RAB3GAP1: variants seen among roughly 807,000 people sequenced by gnomAD.
RAB3GAP1 encodes rab3 GTPase-activating protein catalytic subunit.
Under a neutral mutation model 130.7 loss-of-function variants are expected in RAB3GAP1, and 86 were observed. That is an observed-to-expected ratio of 0.66 (90% CI 0.55 to 0.79). The LOEUF is 0.79. RAB3GAP1 is among the 30% of genes least tolerant of loss of function. The pLI is 0.00. For missense variants in RAB3GAP1, 1,029 were observed against 1,169.4 expected (o/e 0.88, Z 1.75); for synonymous variants, 367 against 401.7 (o/e 0.91, Z 1.03).
intron 17 of RAB3GAP1, among the ~76,000 whole-genome samples, chr2:135,140,160 G>T (rs1270447665): frequency 6.6e-6 from 1 of 152,044 alleles, no homozygotes; most frequent in Non-Finnish European, 1.5e-5. Flanking sequence ...TGGGTATTTG[G>T]GTTGTTTTCA....
At chr2:135,060,064 A>G (rs1019648300) in intron 3 of RAB3GAP1, among the ~76,000 whole-genome samples, 1 of 152,164 alleles carries the variant, frequency 6.6e-6, no homozygotes, top group Non-Finnish European at 1.5e-5. Context: ...GAAAATTTCA[A>G]ACATATATGA....
At chr2:135,097,563 C>T (rs541896528) in intron 5 of RAB3GAP1, among the ~76,000 whole-genome samples, 3 of 152,214 alleles carry the variant, frequency 2.0e-5, no homozygotes, top group Non-Finnish European at 2.9e-5. Context: ...CCTGATCTTT[C>T]TTGGTCACTA....
intron 3 of RAB3GAP1, among the ~76,000 whole-genome samples, chr2:135,081,215 G>T (rs968401266): frequency 1.3e-4 from 19 of 148,284 alleles, no homozygotes; most frequent in African/African-American, 4.5e-4. Flanking sequence ...GCTGAGGCAG[G>T]AGAATGGCGT....
At chr2:135,167,661 C>T in intron 23 of RAB3GAP1, 1 of 1,471,746 alleles carries the variant, frequency 6.8e-7, no homozygotes, top group Non-Finnish European at 9.2e-7. Flanking sequence ...GTTTCCCTTT[C>T]ATCACTGTTT....
At chr2:135,101,091 G>A (rs1690435040) in intron 5 of RAB3GAP1, among the ~76,000 whole-genome samples, 3 of 152,206 alleles carry the variant, frequency 2.0e-5, no homozygotes, top group Admixed American at 6.5e-5. Flanking sequence ...GCAGTAGAGG[G>A]TTGGGAATGG....
At position 135,052,568 on chromosome 2, in the gene RAB3GAP1, A is replaced by G. The variant is rs575929196; in HGVS notation, c.74+83A>G. 4.7e-5 allele frequency: 70 copies of G among 1,496,550 alleles called. No homozygotes were observed. The African/African-American group carries it at 9.1e-4, about 19-fold the overall frequency. The allele number at this position is 1,496,550 out of a possible 1,614,324, so 92.7% of individuals were successfully genotyped here. On this transcript the variant is annotated intron_variant, in intron 2 of 23. Coordinates refer to ENST00000264158, the MANE Select transcript of RAB3GAP1 (RefSeq NM_012233.3). ...CTTCCCTGACCCCAGACACACCACAAGTGACGCCACTTGTGCGGGAACGGT... is the reference window on the plus strand; with the variant it reads ...CTTCCCTGACCCCAGACACACCACAGGTGACGCCACTTGTGCGGGAACGGT...
chr2:135,133,118 G>A (rs935164805), intron 14 of RAB3GAP1, 134 bp downstream of exon 14: 8 of 657,300 alleles, frequency 1.2e-5, no homozygotes, highest in Admixed American at 2.5e-5. Flanking sequence ...ATGGCAGATC[G>A]TGGTTTCCAC....
chr2:135,169,167 A>G lies in RAB3GAP1; in HGVS notation c.*386A>G, dbSNP rs1175236685. The G allele has an allele frequency of 3.4e-6, 1 of 295,638 alleles. No individual in the cohort carries two copies. The highest frequency in any genetic ancestry group is 6.6e-6 in the Non-Finnish European group (1 of 152,504). 18.3% of individuals were successfully genotyped at this position (295,638 alleles called of 1,614,324 possible). On this transcript the variant is annotated 3_prime_UTR_variant, in exon 24 of 24. Coordinates refer to ENST00000264158, the MANE Select transcript of RAB3GAP1 (RefSeq NM_012233.3). The stretch of plus-strand genomic sequence containing the variant: ...CTGTGCAAACACTTCGTGGTTCTAT[A>G]TATCAGCAGCAAGTGTGCAAAATAA...
downstream of RAB3GAP1, among the ~76,000 whole-genome samples, chr2:135,171,612 C>T (rs912718377): frequency 6.6e-6 from 1 of 152,096 alleles, no homozygotes; most frequent in Non-Finnish European, 1.5e-5. Flanking sequence ...ATTTTAAAAC[C>T]CTAAGCATTT....
chr2:135,140,384 C>T (rs1168188512), intron 17 of RAB3GAP1, among the ~76,000 whole-genome samples: 2 of 152,160 alleles, frequency 1.3e-5, no homozygotes, highest in African/African-American at 4.8e-5. Context: ...TATAGTTATT[C>T]TACAGAATCC....
intron 3 of RAB3GAP1, among the ~76,000 whole-genome samples, chr2:135,061,249 T>G (rs1332898192): frequency 6.6e-6 from 1 of 152,204 alleles, no homozygotes; most frequent in Non-Finnish European, 1.5e-5. Context: ...AAGCAGAACA[T>G]TATTGTATGA....
At chr2:135,129,855 T>C in intron 11 of RAB3GAP1, 140 bp from the exon 12 acceptor site, 1 of 654,834 alleles carries the variant, frequency 1.5e-6, no homozygotes. Context: ...ATTTTTGTTT[T>C]TTTCAATGGA....
chr2:135,118,720 A>G (rs1476291407), intron 7 of RAB3GAP1, among the ~76,000 whole-genome samples: 2 of 152,152 alleles, frequency 1.3e-5, no homozygotes, highest in Non-Finnish European at 2.9e-5. Context: ...GTCTTAAAAT[A>G]GTGTTTGGAG....
At chr2:135,091,336 A>T (rs1390747269) in intron 4 of RAB3GAP1, among the ~76,000 whole-genome samples, 2 of 152,190 alleles carry the variant, frequency 1.3e-5, no homozygotes, top group Non-Finnish European at 2.9e-5. Flanking sequence ...TTTATTGAGT[A>T]CCTAACATGT....
intron 3 of RAB3GAP1, among the ~76,000 whole-genome samples, chr2:135,076,980 C>T (rs890474829): frequency 5.3e-5 from 8 of 152,138 alleles, no homozygotes; most frequent in African/African-American, 4.8e-5. Flanking sequence ...TTTTAAAATC[C>T]ATTCCTTGGC....
chr2:135,084,356 T>A (rs1327080372), intron 3 of RAB3GAP1, among the ~76,000 whole-genome samples: 2 of 152,226 alleles, frequency 1.3e-5, no homozygotes, highest in African/African-American at 4.8e-5. Context: ...TGCAAACATC[T>A]TCTCCCGTTC....
At chr2:135,114,109 A>G (rs1690899833) in intron 6 of RAB3GAP1, among the ~76,000 whole-genome samples, 1 of 152,190 alleles carries the variant, frequency 6.6e-6, no homozygotes, top group Non-Finnish European at 1.5e-5. Context: ...ATATATCTGC[A>G]TGTTTTTATA....
intron 9 of RAB3GAP1, 79 bp downstream of exon 9, chr2:135,124,325 T>C (rs1691287001): frequency 3.0e-6 from 4 of 1,338,788 alleles, no homozygotes; most frequent in Admixed American, 3.4e-5. Flanking sequence ...CACTGTGCTT[T>C]ATGATGCTAT....
At chr2:135,081,354 ATAT>A (rs1289808405) in intron 3 of RAB3GAP1, among the ~76,000 whole-genome samples, 1 of 91,040 alleles carries the variant, frequency 1.1e-5, no homozygotes, top group Admixed American at 1.4e-4. Flanking sequence ...ATATATATAT[ATAT>A]ATATACACAC....
Sources: gnomAD v4.1 joint callset for allele counts (sites outside exome capture counted in the v4.1 genomes callset) on GRCh38, gnomAD v4.1.1 for gene constraint, MANE v1.5 for transcripts, NCBI Gene and HGNC (gene_info 2026-07-23, HGNC 2026-07-21) for gene names.